The following PAK1 variants were observed in gnomAD, a reference collection of about 807,000 sequenced individuals.
The protein encoded by PAK1 is serine/threonine-protein kinase PAK 1.
PAK1 carries 29 observed loss-of-function variants against 67.4 expected under a neutral mutation model. The ratio of observed to expected loss-of-function variants is 0.43; its 90% confidence interval spans 0.32 to 0.59. PAK1 has a LOEUF of 0.59. Among genes scored for constraint, PAK1 ranks in the 20% least tolerant of loss-of-function variants. The pLI, the probability that PAK1 is intolerant of heterozygous loss-of-function variation, is 0.07. For missense variants in PAK1, 337 were observed against 670.7 expected, an observed-to-expected ratio of 0.50 and a Z score of 5.50; for synonymous variants, 223 against 237.4, an observed-to-expected ratio of 0.94 and a Z score of 0.56.
chr11:77,382,747 C>T (rs1465587411), intron 2 of PAK1, among the ~76,000 whole-genome samples: 1 of 152,146 alleles, frequency 6.6e-6, no homozygotes, highest in African/African-American at 2.4e-5. Flanking sequence ...TCTGTAATCC[C>T]AGCACTTTGG....
chr11:77,413,275 A>C (rs1443916654), intron 1 of PAK1, among the ~76,000 whole-genome samples: 2 of 152,218 alleles, frequency 1.3e-5, no homozygotes, highest in African/African-American at 4.8e-5. Context: ...GAAATAAGTT[A>C]ATAACTTCTC....
intron 1 of PAK1, among the ~76,000 whole-genome samples, chr11:77,450,649 G>A: frequency 6.6e-6 from 1 of 152,158 alleles, no homozygotes; most frequent in Non-Finnish European, 1.5e-5. Context: ...AAATACATTG[G>A]CATATCTACT....
chr11:77,442,848 T>C (rs1358071056), intron 1 of PAK1, among the ~76,000 whole-genome samples: 2 of 152,070 alleles, frequency 1.3e-5, no homozygotes, highest in African/African-American at 2.4e-5. Flanking sequence ...GCCTCAAGGC[T>C]TGGGGCTTCT....
chr11:77,512,163 C>T, the PAK1 span, among the ~76,000 whole-genome samples: 4 of 152,104 alleles, frequency 2.6e-5, no homozygotes, highest in African/African-American at 9.7e-5. Flanking sequence ...CATGGGCAAC[C>T]GAATTTTGCA....
the PAK1 span, among the ~76,000 whole-genome samples, chr11:77,484,614 T>C: frequency 6.6e-6 from 1 of 152,232 alleles, no homozygotes; most frequent in Non-Finnish European, 1.5e-5. Context: ...GCTTTGCCTA[T>C]TGCTGCCAGG....
chr11:77,503,237 A>G, the PAK1 span, among the ~76,000 whole-genome samples: 1 of 152,172 alleles, frequency 6.6e-6, no homozygotes, highest in African/African-American at 2.4e-5. Context: ...AAAACCAAGG[A>G]GTGGGTCTAA....
rs779171013 is a variant in PAK1 at position 77,379,971 on chromosome 11, G to T, written c.214C>A (p.Arg72=). 4.8e-5 allele frequency: 77 copies of T among 1,612,788 alleles called. No homozygotes were observed. The highest frequency in any genetic ancestry group is 6.5e-5 in the Non-Finnish European group (77 of 1,179,260). The change falls in exon 3 of 15, where the codon CGG becomes AGG. Residue 72 remains arginine (R), a synonymous_variant. Coordinates refer to ENST00000356341, the MANE Select transcript of PAK1 (RefSeq NM_002576.5). ...TCTGAAGGGAGAGAAATCTCTGGCC[G>T]CTCTTTCTCTTTCTTTTTATTTGCT... ...DKTNKKKEKE[R]PEISLPSDFE...
At chr11:77,428,851 T>G (rs1300221606) in intron 1 of PAK1, among the ~76,000 whole-genome samples, 1 of 148,650 alleles carries the variant, frequency 6.7e-6, no homozygotes, top group East Asian at 2.0e-4. Flanking sequence ...TAAGAAAGAG[T>G]TGTCATGGAA....
chr11:77,374,406 T>C, intron 4 of PAK1, 41 bp from the exon 5 acceptor site: 2 of 1,428,304 alleles, frequency 1.4e-6, no homozygotes, highest in Non-Finnish European at 2.0e-6. Context: ...CAATAACAGT[T>C]ACAGTTAAAT....
chr11:77,488,941 C>T, the PAK1 span, among the ~76,000 whole-genome samples: 1 of 152,028 alleles, frequency 6.6e-6, no homozygotes, highest in Non-Finnish European at 1.5e-5. Context: ...TATTCAAGTA[C>T]AAGAAGGTTA....
the PAK1 span, among the ~76,000 whole-genome samples, chr11:77,480,657 G>T: frequency 1.1e-3 from 164 of 152,018 alleles, 1 homozygote; most frequent in Middle Eastern, 0.037. Flanking sequence ...CCGAATAGCT[G>T]GGATTACAGG....
At chr11:77,498,627 A>G in the PAK1 span, among the ~76,000 whole-genome samples, 1 of 150,928 alleles carries the variant, frequency 6.6e-6, no homozygotes, top group Non-Finnish European at 1.5e-5. Flanking sequence ...AAAAGAATAC[A>G]TGGTACATAT....
chr11:77,335,229 C>T (rs78185439), intron 13 of PAK1, among the ~76,000 whole-genome samples: 1 of 152,332 alleles, frequency 6.6e-6, no homozygotes, highest in East Asian at 1.9e-4. Context: ...GTGATCTCAT[C>T]TACCTACTAT....
intron 8 of PAK1, 46 bp from the exon 9 acceptor site, chr11:77,349,333 C>G: frequency 6.9e-7 from 1 of 1,449,292 alleles, no homozygotes; most frequent in Admixed American, 1.9e-5. Context: ...ACACAGTGTT[C>G]AATAAAGTGA....
chr11:77,365,263 A>AAAG (rs367729355), intron 5 of PAK1, among the ~76,000 whole-genome samples: 30,074 of 113,164 alleles, frequency 0.27, 5,395 homozygotes, highest in South Asian at 0.48. Context: ...AAAAAAAAAA[A>AAAG]AAAAAGAAAA....
chr11:77,353,723 T>G (rs576836859), intron 7 of PAK1, 124 bp from the exon 8 acceptor site: 1 of 721,684 alleles, frequency 1.4e-6, no homozygotes, highest in South Asian at 1.6e-5. Flanking sequence ...CCAAAAAGCA[T>G]GCTAAACAGG....
At chr11:77,347,400 C>T (rs968873053) in intron 9 of PAK1, among the ~76,000 whole-genome samples, 1 of 152,140 alleles carries the variant, frequency 6.6e-6, no homozygotes, top group Non-Finnish European at 1.5e-5. Flanking sequence ...TAATTGCTGA[C>T]AGTACAACTT....
rs760282005 is a variant in PAK1, at chr11:77,465,010, GTGTC to G, written c.-22+8538_-22+8541del. 6.0e-5 allele frequency among the ~76,000 whole-genome samples: 9 copies of G among 150,580 alleles called. No homozygotes were observed. The East Asian group carries it at 1.6e-3, about 27-fold the overall frequency. The stretch of plus-strand genomic sequence containing the variant: ...AAAGAGTGTGTGTGTGTGTGTGTGT[GTGTC>G]TGTGTGTGTGTCTGTGTGTGTGTGA... On this transcript the variant is annotated intron_variant, in intron 1 of 14. Coordinates refer to ENST00000356341, the MANE Select transcript of PAK1 (RefSeq NM_002576.5).
At chr11:77,447,092 T>C (rs1345033136) in intron 1 of PAK1, among the ~76,000 whole-genome samples, 1 of 152,068 alleles carries the variant, frequency 6.6e-6, no homozygotes, top group Non-Finnish European at 1.5e-5. Flanking sequence ...AAGAGCTAGA[T>C]CCTATTTTTG....
Sources: allele counts gnomAD v4.1 joint callset (sites outside exome capture counted in the v4.1 genomes callset), GRCh38; gene constraint gnomAD v4.1.1; transcripts MANE v1.5; gene names NCBI Gene and HGNC (gene_info 2026-07-23, HGNC 2026-07-21).